PCDHA11: variants seen among roughly 807,000 people sequenced by gnomAD.
PCDHA11 encodes protocadherin alpha 11.
A neutral mutation model predicts 70.3 loss-of-function variants in PCDHA11; 61 were observed. The observed-to-expected ratio is 0.87, with a 90% confidence interval of 0.71 to 1.07. PCDHA11 has a LOEUF of 1.07. Ranked by LOEUF, PCDHA11 falls within the 50% of genes least tolerant of loss-of-function variation. The pLI, the probability that PCDHA11 is intolerant of heterozygous loss-of-function variation, is 0.00. For synonymous variants in PCDHA11, 633 were observed against 555.1 expected (o/e 1.14, Z -1.97); for missense variants, 1,324 against 1,237.5 (o/e 1.07, Z -1.05).
chr5:140,909,801 T>C (rs1462008196), intron 1 of PCDHA11, among the ~76,000 whole-genome samples: 1 of 152,134 alleles, frequency 6.6e-6, no homozygotes, highest in African/African-American at 2.4e-5. Context: ...AGACTTCAGC[T>C]AAAACTCCAT....
chr5:140,951,933 A>T (rs2094659165), intron 1 of PCDHA11, among the ~76,000 whole-genome samples: 1 of 152,164 alleles, frequency 6.6e-6, no homozygotes, highest in African/African-American at 2.4e-5. Context: ...TACTCCCAAG[A>T]TACAGTGCGG....
intron 1 of PCDHA11, chr5:140,930,423 A>C (rs1366004853): frequency 6.6e-6 from 1 of 151,862 alleles, no homozygotes; most frequent in Non-Finnish European, 1.5e-5. Flanking sequence ...GGGTCTCACT[A>C]TGTTGCCCAG....
intron 3 of PCDHA11, among the ~76,000 whole-genome samples, chr5:140,996,530 T>C (rs1423892657): frequency 6.6e-6 from 1 of 152,210 alleles, no homozygotes; most frequent in East Asian, 1.9e-4. Flanking sequence ...AGGCCCTGTG[T>C]GTTTTGATAT....
chr5:141,006,296 C>G (rs2153987135), intron 3 of PCDHA11, among the ~76,000 whole-genome samples: 1 of 152,102 alleles, frequency 6.6e-6, no homozygotes, highest in East Asian at 1.9e-4. Context: ...ACTGCAAGCT[C>G]CACTTCCCGG....
chr5:140,884,138 G>A (rs782798249), intron 1 of PCDHA11: 3 of 1,613,410 alleles, frequency 1.9e-6, no homozygotes, highest in South Asian at 1.1e-5. Context: ...CCCGTTCCGC[G>A]TGGGGCTGTA....
intron 3 of PCDHA11, among the ~76,000 whole-genome samples, chr5:141,009,392 G>A (rs1016452113): frequency 2.6e-5 from 4 of 152,184 alleles, no homozygotes; most frequent in Non-Finnish European, 4.4e-5. Flanking sequence ...ACAGGAGGTC[G>A]AGGCTGCAGT....
intron 1 of PCDHA11, among the ~76,000 whole-genome samples, chr5:140,879,733 A>G (rs1213918807): frequency 6.6e-6 from 1 of 152,218 alleles, no homozygotes; most frequent in African/African-American, 2.4e-5. Flanking sequence ...GTCCAAAATC[A>G]AGGTGTTGTC....
In PCDHA11 at chr5:140,883,790, G is replaced by T. The variant is rs200436467; in HGVS notation, c.2391+12296G>T. ...GGGCGAGCGTGCGCTGTCGAGCTAC[G>T]TGTCGGTGCACGCGGAGAGCGGCAA... On this transcript the variant is annotated intron_variant, in intron 1 of 3. Coordinates refer to ENST00000398640, the MANE Select transcript of PCDHA11 (RefSeq NM_018902.5). The T allele has an allele frequency of 3.5e-5, 57 of 1,612,406 alleles. No homozygotes were observed. The highest frequency in any genetic ancestry group is 4.3e-5 in the Non-Finnish European group (51 of 1,179,760).
In PCDHA11 at chr5:140,869,617, C is replaced by T. The variant is rs782525218; in HGVS notation, c.514C>T (p.Leu172=). The change falls in exon 1 of 4, where the codon CTA becomes TTA. Residue 172 remains leucine (L), a synonymous_variant. Transcript: ENST00000398640. ...AGAGAATGCTCTATTGACCTACAGG[C>T]TAAGTAAAAATGAGTATTTTTCTTT... is the stretch of plus-strand genomic sequence containing the variant. ...IEENALLTYR[L]SKNEYFSLDS... 1.9e-6 allele frequency: 3 copies of T among 1,613,828 alleles called. No individual in the cohort carries two copies. The highest frequency in any genetic ancestry group is 2.5e-6 in the Non-Finnish European group (3 of 1,179,910).
rs782638942 is a variant in PCDHA11, at chr5:140,876,442, G to T, written c.2391+4948G>T. The T allele has an allele frequency of 1.5e-5, 25 of 1,613,894 alleles. 1 individual carries two copies. The South Asian group carries it at 2.7e-4, about 18-fold the overall frequency. The stretch of plus-strand genomic sequence containing the variant: ...CTATGAAATTCAGGTTAACGCCATT[G>T]ATAAAGGGATTCCTTCCATGGCAGG... On this transcript the variant is annotated intron_variant, in intron 1 of 3. Coordinates refer to ENST00000398640, the MANE Select transcript of PCDHA11 (RefSeq NM_018902.5).
At chr5:140,958,301 TA>T (rs2095417556) in intron 1 of PCDHA11, among the ~76,000 whole-genome samples, 1 of 152,248 alleles carries the variant, frequency 6.6e-6, no homozygotes, top group African/African-American at 2.4e-5. Flanking sequence ...TGAACTTAAT[TA>T]AAATAAATTA....
At chr5:141,006,978 T>C (rs2098297277) in intron 3 of PCDHA11, among the ~76,000 whole-genome samples, 1 of 152,090 alleles carries the variant, frequency 6.6e-6, no homozygotes, top group African/African-American at 2.4e-5. Context: ...CACAGAGAGA[T>C]GTGGGCTTAA....
chr5:140,882,336 C>T, intron 1 of PCDHA11: 1 of 1,614,162 alleles, frequency 6.2e-7, no homozygotes, highest in Non-Finnish European at 8.5e-7. Flanking sequence ...ATCCTCGCAG[C>T]CTGGGAGACG....
In PCDHA11 at chr5:140,977,177, T is replaced by G. The variant is rs139020033; in HGVS notation, c.2392-1772T>G. On this transcript the variant is annotated intron_variant, in intron 1 of 3. Coordinates refer to ENST00000398640, the MANE Select transcript of PCDHA11 (RefSeq NM_018902.5). ...CCTTTCAGCAAAATGAGTTTGATGA[T>G]TTCATTCCAAAGATCAAGTTGCAGC... 6.8e-3 allele frequency among the ~76,000 whole-genome samples: 1,032 copies of G among 152,274 alleles called. 9 individuals are homozygous for G. Among genetic ancestry groups the G allele is most frequent in the African/African-American group, 0.023 (966 of 41,542 alleles).
intron 3 of PCDHA11, among the ~76,000 whole-genome samples, chr5:140,993,826 C>T (rs1401311421): frequency 1.3e-5 from 2 of 152,134 alleles, no homozygotes; most frequent in African/African-American, 4.8e-5. Context: ...ATAGGCTATA[C>T]CATATAGCCT....
At chr5:140,964,862 A>G (rs560839818) in intron 1 of PCDHA11, among the ~76,000 whole-genome samples, 1 of 152,316 alleles carries the variant, frequency 6.6e-6, no homozygotes, top group South Asian at 2.1e-4. Context: ...GGAAACAAAG[A>G]GGACAAATAA....
chr5:140,979,355 T>C (rs1437499560), intron 2 of PCDHA11, among the ~76,000 whole-genome samples: 6 of 152,206 alleles, frequency 3.9e-5, no homozygotes, highest in African/African-American at 1.4e-4. Flanking sequence ...TTAATACTCA[T>C]GCTTTGAGAC....
chr5:140,997,672 GTGT>G (rs1226412114), intron 3 of PCDHA11, among the ~76,000 whole-genome samples: 3 of 148,192 alleles, frequency 2.0e-5, no homozygotes, highest in African/African-American at 7.5e-5. Context: ...TACAGCTTGT[GTGT>G]GTGTGTGTGT....
intron 1 of PCDHA11, among the ~76,000 whole-genome samples, chr5:140,934,050 C>T (rs558726288): frequency 6.6e-6 from 1 of 151,952 alleles, no homozygotes; most frequent in East Asian, 1.9e-4. Flanking sequence ...TTAGTCTTTC[C>T]AAGGCTAACT....
Sources: gnomAD v4.1 joint callset for allele counts (sites outside exome capture counted in the v4.1 genomes callset) on GRCh38, gnomAD v4.1.1 for gene constraint, MANE v1.5 for transcripts, NCBI Gene and HGNC (gene_info 2026-07-23, HGNC 2026-07-21) for gene names.